CACNA2D3: variants seen among roughly 807,000 people sequenced by gnomAD.
The protein encoded by CACNA2D3 is voltage-dependent calcium channel subunit alpha-2/delta-3.
Under a neutral mutation model 160.6 loss-of-function variants are expected in CACNA2D3, and 60 were observed. The observed-to-expected ratio is 0.37, with a 90% CI of 0.30 to 0.46. The LOEUF (loss-of-function observed/expected upper bound fraction) is 0.46. Ranked by LOEUF, CACNA2D3 falls within the 20% of genes least tolerant of loss-of-function variation. The probability of loss-of-function intolerance (pLI) is 1.00; values close to 1 mark genes in which losing one functional copy is unlikely to be tolerated. For synonymous variants in CACNA2D3, 558 were observed against 492.9 expected (o/e 1.13, Z -1.75); for missense variants, 1,205 against 1,365.0 (o/e 0.88, Z 1.85).
chr3:54,377,994 A>G (rs926355458), intron 3 of CACNA2D3, among the ~76,000 whole-genome samples: 2 of 152,180 alleles, frequency 1.3e-5, no homozygotes, highest in African/African-American at 2.4e-5. Context: ...TAGTTGGGCA[A>G]TACCTTCAAT....
chr3:54,878,156 C>G (rs1258804172), intron 18 of CACNA2D3, among the ~76,000 whole-genome samples: 1 of 152,070 alleles, frequency 6.6e-6, no homozygotes, highest in Non-Finnish European at 1.5e-5. Flanking sequence ...TCGGCCAGAT[C>G]TTACTCAAGC....
At chr3:54,813,337 G>A (rs183514622) in intron 13 of CACNA2D3, among the ~76,000 whole-genome samples, 1 of 152,238 alleles carries the variant, frequency 6.6e-6, no homozygotes, top group East Asian at 1.9e-4. Context: ...CATCTCCCCG[G>A]TGTGTTGAGG....
At chr3:54,434,162 C>G (rs59800513) in intron 4 of CACNA2D3, among the ~76,000 whole-genome samples, 1 of 152,190 alleles carries the variant, frequency 6.6e-6, no homozygotes, top group Non-Finnish European at 1.5e-5. Flanking sequence ...ACTAGTGAAA[C>G]GAGCCTCCAC....
At chr3:54,697,567 C>T (rs565330060) in intron 11 of CACNA2D3, among the ~76,000 whole-genome samples, 1 of 152,308 alleles carries the variant, frequency 6.6e-6, no homozygotes, top group African/African-American at 2.4e-5. Context: ...CTTTCTCCAC[C>T]TCTTTTCCTC....
At chr3:54,911,048 C>T (rs1358563142) in intron 27 of CACNA2D3, among the ~76,000 whole-genome samples, 4 of 152,090 alleles carry the variant, frequency 2.6e-5, no homozygotes, top group Non-Finnish European at 5.9e-5. Flanking sequence ...AATCCACAAC[C>T]ACCCCTCCCA....
At chr3:54,312,348 A>G (rs1703760841) in intron 2 of CACNA2D3, among the ~76,000 whole-genome samples, 1 of 152,158 alleles carries the variant, frequency 6.6e-6, no homozygotes. Context: ...CTCTTTGGCT[A>G]ATGATGCTTC....
At chr3:54,150,736 GATAATT>G (rs1282956639) in intron 2 of CACNA2D3, among the ~76,000 whole-genome samples, 7 of 152,202 alleles carry the variant, frequency 4.6e-5, no homozygotes, top group African/African-American at 1.7e-4. Flanking sequence ...TAAACAAAAT[GATAATT>G]ATAATTGAGC....
At chr3:54,529,522 A>C (rs6445687) in intron 5 of CACNA2D3, among the ~76,000 whole-genome samples, 46,837 of 152,056 alleles carry the variant, frequency 0.31, 7,625 homozygotes, top group East Asian at 0.45. Context: ...TGGAAGATTC[A>C]TTCCACCTGT....
intron 2 of CACNA2D3, among the ~76,000 whole-genome samples, chr3:54,247,365 G>A (rs1702101841): frequency 6.7e-6 from 1 of 148,376 alleles, no homozygotes; most frequent in Admixed American, 6.7e-5. Context: ...TTGTCAAAAT[G>A]AACTAAAACA....
intron 5 of CACNA2D3, among the ~76,000 whole-genome samples, chr3:54,541,120 A>C (rs1194304925): frequency 2.0e-5 from 3 of 151,874 alleles, no homozygotes; most frequent in Non-Finnish European, 4.4e-5. Context: ...TACTAAAAAT[A>C]CAAAAAATTA....
At chr3:54,862,310 C>A (rs1699307438) in intron 17 of CACNA2D3, among the ~76,000 whole-genome samples, 1 of 151,914 alleles carries the variant, frequency 6.6e-6, no homozygotes, top group African/African-American at 2.4e-5. Context: ...TAAGTATCTT[C>A]AACAATTTTT....
chr3:54,512,972 A>G (rs1048711791), intron 5 of CACNA2D3, among the ~76,000 whole-genome samples: 4 of 152,104 alleles, frequency 2.6e-5, no homozygotes, highest in African/African-American at 9.7e-5. Flanking sequence ...TGTGCCGGGA[A>G]ACTCCTCCTT....
At chr3:54,309,767 ACT>A (rs1376769589) in intron 2 of CACNA2D3, among the ~76,000 whole-genome samples, 3 of 151,414 alleles carry the variant, frequency 2.0e-5, no homozygotes, top group African/African-American at 4.9e-5. Flanking sequence ...CGCTGAGGAA[ACT>A]CTGTTGCTTT....
At chr3:54,626,315 C>A (rs1028037930) in intron 9 of CACNA2D3, 3 of 1,551,044 alleles carry the variant, frequency 1.9e-6, no homozygotes, top group African/African-American at 1.4e-5. Flanking sequence ...CGGCTGATGC[C>A]GCTGTACAGT....
At position 54,572,238 on chromosome 3, in the gene CACNA2D3, C is replaced by T. The variant is rs113800022; in HGVS notation, c.888+2134C>T. On this transcript the variant is annotated intron_variant, in intron 8 of 37. Transcript: ENST00000474759. ...TTCTGATTTTAAGAAATCCTAAAGA[C>T]GAAAGGGAAAAGAAAGAGAATACTA... 3.7e-4 allele frequency among the ~76,000 whole-genome samples: 56 copies of T among 152,190 alleles called. 2 individuals are homozygous for T. The highest frequency in any genetic ancestry group is 1.5e-3 in the East Asian group (8 of 5,178).
chr3:54,619,522 A>T (rs1450318620), intron 9 of CACNA2D3, among the ~76,000 whole-genome samples: 1 of 152,224 alleles, frequency 6.6e-6, no homozygotes, highest in Admixed American at 6.5e-5. Flanking sequence ...CACTGGCATT[A>T]AACAGCTGCT....
intron 9 of CACNA2D3, chr3:54,626,684 CAAAAAAAA>C (rs71096430): frequency 2.7e-3 from 854 of 317,198 alleles, no homozygotes; most frequent in Middle Eastern, 7.7e-3. Context: ...TGGTTCCAGT[CAAAAAAAA>C]AAAAAAAAAA....
At chr3:54,494,536 G>A (rs1445433082) in intron 4 of CACNA2D3, among the ~76,000 whole-genome samples, 2 of 152,146 alleles carry the variant, frequency 1.3e-5, no homozygotes, top group African/African-American at 4.8e-5. Flanking sequence ...GCAGGCTGAG[G>A]CTTCATTTTG....
intron 10 of CACNA2D3, chr3:54,638,469 A>G (rs912923347): frequency 7.9e-5 from 12 of 151,940 alleles, no homozygotes; most frequent in Non-Finnish European, 1.3e-4. Flanking sequence ...GGTGATAAAA[A>G]GATTATAGGG....
Sources: allele counts gnomAD v4.1 joint callset (sites outside exome capture counted in the v4.1 genomes callset), GRCh38; gene constraint gnomAD v4.1.1; transcripts MANE v1.5; gene names NCBI Gene and HGNC (gene_info 2026-07-23, HGNC 2026-07-21).